The following IMMP2L variants were observed in gnomAD, a reference collection of about 807,000 sequenced individuals.
IMMP2L encodes the protein mitochondrial inner membrane protease subunit 2.
A neutral mutation model predicts 19.3 loss-of-function variants in IMMP2L; 18 were observed. The ratio of observed to expected loss-of-function variants is 0.93; its 90% CI spans 0.64 to 1.38. The LOEUF is 1.38. IMMP2L is among the 40% of genes most tolerant of loss of function. The pLI, the probability that IMMP2L is intolerant of heterozygous loss-of-function variation, is 0.00. For synonymous variants in IMMP2L, 76 were observed against 73.0 expected (o/e 1.04, Z -0.21); for missense variants, 233 against 218.2 (o/e 1.07, Z -0.43).
At chr7:111,304,428 C>T (rs896934821) in intron 3 of IMMP2L, among the ~76,000 whole-genome samples, 1 of 151,494 alleles carries the variant, frequency 6.6e-6, no homozygotes, top group Admixed American at 6.6e-5. Flanking sequence ...AAATTAGCAC[C>T]CTGAGAATGA....
At chr7:111,452,911 G>C (rs1367021308) in intron 3 of IMMP2L, among the ~76,000 whole-genome samples, 1 of 152,082 alleles carries the variant, frequency 6.6e-6, no homozygotes, top group Admixed American at 6.6e-5. Context: ...TAGAAAGTAA[G>C]CTTCAAAAGG....
chr7:111,217,118 T>TCACACACACACACA (rs1160755759), intron 3 of IMMP2L, among the ~76,000 whole-genome samples: 2 of 144,372 alleles, frequency 1.4e-5, no homozygotes, highest in African/African-American at 5.6e-5. Context: ...TCTCTCTCTC[T>TCACACACACACACA]CTCTCTCTCA....
chr7:111,435,531 G>C (rs1377330366), intron 3 of IMMP2L, among the ~76,000 whole-genome samples: 1 of 151,774 alleles, frequency 6.6e-6, no homozygotes, highest in Non-Finnish European at 1.5e-5. Context: ...CAAAAGGTGG[G>C]AGGGTGGGAG....
intron 5 of IMMP2L, among the ~76,000 whole-genome samples, chr7:110,861,127 G>A (rs1807372757): frequency 6.9e-6 from 1 of 145,744 alleles, no homozygotes; most frequent in South Asian, 2.2e-4. Flanking sequence ...GAGAGAGAGA[G>A]AGACAGAGAC....
chr7:111,071,860 T>C (rs1465341804), intron 3 of IMMP2L, among the ~76,000 whole-genome samples: 1 of 152,202 alleles, frequency 6.6e-6, no homozygotes, highest in Non-Finnish European at 1.5e-5. Flanking sequence ...TTATACATTG[T>C]ACATTTATAA....
intron 5 of IMMP2L, among the ~76,000 whole-genome samples, chr7:110,815,924 C>G (rs915201971): frequency 3.3e-5 from 5 of 151,886 alleles, no homozygotes; most frequent in Non-Finnish European, 7.4e-5. Context: ...CCAGCTCCTG[C>G]ATTAATTAAT....
intron 3 of IMMP2L, among the ~76,000 whole-genome samples, chr7:111,454,391 C>T (rs888501426): frequency 2.0e-5 from 3 of 151,934 alleles, no homozygotes; most frequent in Non-Finnish European, 4.4e-5. Flanking sequence ...ATTTTGTGAT[C>T]ATAGCTTTGA....
At chr7:110,826,551 G>A (rs1803510394) in intron 5 of IMMP2L, among the ~76,000 whole-genome samples, 1 of 152,092 alleles carries the variant, frequency 6.6e-6, no homozygotes, top group Non-Finnish European at 1.5e-5. Flanking sequence ...GATGGATGAA[G>A]CTGGAAACCA....
At chr7:110,935,172 G>A (rs1026194624) in intron 4 of IMMP2L, among the ~76,000 whole-genome samples, 3 of 152,134 alleles carry the variant, frequency 2.0e-5, no homozygotes, top group African/African-American at 2.4e-5. Flanking sequence ...TCCTTCAGGA[G>A]CTCTTGTAGG....
intron 3 of IMMP2L, among the ~76,000 whole-genome samples, chr7:111,315,256 A>G (rs1321840723): frequency 6.6e-6 from 1 of 152,148 alleles, no homozygotes; most frequent in Non-Finnish European, 1.5e-5. Context: ...GCAGTCCTGC[A>G]GAGAGAAGTC....
intron 3 of IMMP2L, among the ~76,000 whole-genome samples, chr7:111,109,674 C>A (rs1798963159): frequency 6.6e-6 from 1 of 152,188 alleles, no homozygotes; most frequent in Non-Finnish European, 1.5e-5. Context: ...GTGGGTATAA[C>A]TGCACATGCT....
intron 4 of IMMP2L, among the ~76,000 whole-genome samples, chr7:110,906,044 C>T (rs2129547752): frequency 6.6e-6 from 1 of 152,294 alleles, no homozygotes. Flanking sequence ...GTGACCAAAT[C>T]TGAGTACAGA....
intron 5 of IMMP2L, among the ~76,000 whole-genome samples, chr7:110,681,474 C>T (rs529622436): frequency 1.3e-5 from 2 of 152,208 alleles, no homozygotes; most frequent in South Asian, 2.1e-4. Flanking sequence ...TGACTTGTAG[C>T]AGCAGGGCAT....
intron 5 of IMMP2L, among the ~76,000 whole-genome samples, chr7:110,844,927 A>G (rs2396280): frequency 0.48 from 73,105 of 151,378 alleles, 18,126 homozygotes; most frequent in East Asian, 0.8. Flanking sequence ...TTGAAAGGGG[A>G]GGCCCAGAAA....
chr7:111,430,744 A>G (rs1836542936), intron 3 of IMMP2L, among the ~76,000 whole-genome samples: 1 of 151,612 alleles, frequency 6.6e-6, no homozygotes, highest in Non-Finnish European at 1.5e-5. Flanking sequence ...AAGAACCTAT[A>G]CCAGTTCATG....
At chr7:110,805,798 C>G (rs1801591167) in intron 5 of IMMP2L, among the ~76,000 whole-genome samples, 1 of 152,020 alleles carries the variant, frequency 6.6e-6, no homozygotes, top group Non-Finnish European at 1.5e-5. Flanking sequence ...ATGGCTTTTA[C>G]TTTGCATAAT....
At chr7:110,849,166 T>C (rs1411701998) in intron 5 of IMMP2L, among the ~76,000 whole-genome samples, 1 of 152,086 alleles carries the variant, frequency 6.6e-6, no homozygotes, top group Admixed American at 6.6e-5. Flanking sequence ...GGTATGTGTT[T>C]GTGAGGACAG....
At chr7:111,387,875 T>C (rs1304836645) in intron 3 of IMMP2L, among the ~76,000 whole-genome samples, 1 of 149,054 alleles carries the variant, frequency 6.7e-6, no homozygotes, top group Non-Finnish European at 1.5e-5. Context: ...ACTCAGGAGG[T>C]TGAGGCAGGG....
intron 3 of IMMP2L, among the ~76,000 whole-genome samples, chr7:111,202,081 T>A (rs1289273094): frequency 6.6e-6 from 1 of 152,178 alleles, no homozygotes; most frequent in South Asian, 2.1e-4. Context: ...GCTTCTCCAT[T>A]TGACTAAACA....
Sources: allele counts gnomAD v4.1 joint callset (sites outside exome capture counted in the v4.1 genomes callset), GRCh38; gene constraint gnomAD v4.1.1; transcripts MANE v1.5; gene names NCBI Gene and HGNC (gene_info 2026-07-23, HGNC 2026-07-21).